ANK3: variants seen among roughly 807,000 people sequenced by gnomAD.
ANK3 encodes the protein ankyrin 3.
Under a neutral mutation model 370.9 loss-of-function variants are expected in ANK3, and 57 were observed. That is an observed-to-expected ratio of 0.15 (90% CI 0.12 to 0.19). The LOEUF (loss-of-function observed/expected upper bound fraction) is 0.19, where lower values mean the gene tolerates loss of function less well. Among genes scored for constraint, ANK3 ranks in the 10% least tolerant of loss-of-function variants. ANK3 has a pLI of 1.00. For missense variants in ANK3, 4,439 were observed against 5,302.1 expected (o/e 0.84, Z 5.06); for synonymous variants, 1,929 against 1,946.3 (o/e 0.99, Z 0.23).
intron 2 of ANK3, among the ~76,000 whole-genome samples, chr10:60,571,063 T>G (rs890725200): frequency 2.0e-4 from 30 of 151,942 alleles, no homozygotes; most frequent in Non-Finnish European, 4.1e-4. Context: ...AGGTTTTTTT[T>G]TTTTTTTTTT....
chr10:60,041,495 C>T (rs2076082937), intron 43 of ANK3, among the ~76,000 whole-genome samples: 1 of 152,170 alleles, frequency 6.6e-6, no homozygotes, highest in African/African-American at 2.4e-5. Context: ...TTTATTTAAC[C>T]ACTTTGGGCC....
chr10:60,064,095 G>A (rs537259813), intron 39 of ANK3, 62 bp downstream of exon 39: 22 of 1,426,390 alleles, frequency 1.5e-5, no homozygotes, highest in Non-Finnish European at 2.0e-5. Flanking sequence ...CTAACAGTTG[G>A]CTTATCTAAA....
chr10:60,213,764 G>A (rs374662001), intron 8 of ANK3, among the ~76,000 whole-genome samples: 5 of 152,014 alleles, frequency 3.3e-5, no homozygotes, highest in African/African-American at 1.2e-4. Context: ...TTTTCCACTA[G>A]TCTTTTGAAT....
intron 2 of ANK3, among the ~76,000 whole-genome samples, chr10:60,560,768 C>T (rs952039801): frequency 3.9e-5 from 6 of 152,170 alleles, no homozygotes; most frequent in Non-Finnish European, 7.3e-5. Flanking sequence ...ATCACAACCA[C>T]AGTTGCTTTT....
chr10:60,262,838 G>A, intron 6 of ANK3, among the ~76,000 whole-genome samples: 1 of 152,194 alleles, frequency 6.6e-6, no homozygotes, highest in East Asian at 1.9e-4. Context: ...CATCTAAAGT[G>A]TCCAGACTCT....
At chr10:60,314,008 G>A (rs1299236394) in intron 1 of ANK3, among the ~76,000 whole-genome samples, 1 of 147,556 alleles carries the variant, frequency 6.8e-6, no homozygotes, top group African/African-American at 2.5e-5. Context: ...CCATCTCCCT[G>A]CTAGAGTGTG....
chr10:60,645,706 CAG>C lies in ANK3; in HGVS notation c.58-30484_58-30483del, dbSNP rs140607943. Among the ~76,000 whole-genome samples, 623 of 151,754 alleles carry C rather than the reference CAG, an allele frequency of 4.1e-3. 6 individuals carry two copies. Among genetic ancestry groups the C allele is most frequent in the African/African-American group, 0.014 (586 of 41,342 alleles). Reference sequence around the variant, plus strand: ...CACCACTGCACTCCAGCCTGGTCAACAGAGTGAGATTATGTCTCAAGAGAAAA... The same window carrying C: ...CACCACTGCACTCCAGCCTGGTCAACAGTGAGATTATGTCTCAAGAGAAAA... On this transcript the variant is annotated intron_variant, in intron 1 of 43. Transcript: ENST00000373827.
chr10:60,077,763 G>C (rs78220995), intron 36 of ANK3, among the ~76,000 whole-genome samples: 1,628 of 152,228 alleles, frequency 0.011, 33 homozygotes, highest in African/African-American at 0.037. Context: ...TAGGATATGT[G>C]GGGTGTGTGT....
intron 2 of ANK3, among the ~76,000 whole-genome samples, chr10:60,530,965 T>C (rs979071550): frequency 6.6e-6 from 1 of 152,178 alleles, no homozygotes; most frequent in African/African-American, 2.4e-5. Context: ...CTTCATTTAA[T>C]ACATTAATGG....
chr10:60,552,235 A>G (rs1464514943), intron 2 of ANK3, among the ~76,000 whole-genome samples: 1 of 152,202 alleles, frequency 6.6e-6, no homozygotes, highest in East Asian at 1.9e-4. Flanking sequence ...TTTCTTGTTA[A>G]TCTACAATTA....
At chr10:60,596,070 T>A (rs1193829491) in intron 2 of ANK3, among the ~76,000 whole-genome samples, 1 of 152,114 alleles carries the variant, frequency 6.6e-6, no homozygotes, top group Non-Finnish European at 1.5e-5. Flanking sequence ...ATGTACAGCA[T>A]CCCTGCTAAG....
At chr10:60,032,674 A>T (rs1474804027) in intron 43 of ANK3, among the ~76,000 whole-genome samples, 1 of 152,164 alleles carries the variant, frequency 6.6e-6, no homozygotes, top group Non-Finnish European at 1.5e-5. Context: ...TATATTGGAT[A>T]TGTTTCTATC....
intron 2 of ANK3, among the ~76,000 whole-genome samples, chr10:60,582,052 A>T (rs2077761644): frequency 6.6e-6 from 1 of 152,142 alleles, no homozygotes; most frequent in African/African-American, 2.4e-5. Context: ...ATTCTCACTC[A>T]TAAGTGGGAG....
intron 2 of ANK3, among the ~76,000 whole-genome samples, chr10:60,553,736 T>C (rs984696308): frequency 1.3e-5 from 2 of 152,164 alleles, no homozygotes; most frequent in African/African-American, 4.8e-5. Context: ...TAAAAAAATT[T>C]TTTTTGAAAA....
rs141462670 is a variant in ANK3, at chr10:60,350,275, T to C, written c.114+39150A>G. On this transcript the variant is annotated intron_variant, in intron 1 of 43. Transcript: ENST00000280772. Reference sequence around the variant, plus strand: ...AAAATGGTAGCTAAAGGTTTTGGCTTTAAGGAGACCAGTTGTATACAGCAG... The same window carrying C: ...AAAATGGTAGCTAAAGGTTTTGGCTCTAAGGAGACCAGTTGTATACAGCAG... Among the ~76,000 whole-genome samples the C allele has an allele frequency of 1.4e-3, 206 of 152,238 alleles. 1 individual carries two copies. In the Middle Eastern group the frequency reaches 0.017, roughly 13 times the overall value.
intron 1 of ANK3, among the ~76,000 whole-genome samples, chr10:60,365,274 T>C (rs957472187): frequency 6.6e-6 from 1 of 151,846 alleles, no homozygotes; most frequent in Non-Finnish European, 1.5e-5. Flanking sequence ...TCAAAAACTA[T>C]AAAAAATACT....
At position 60,072,087 on chromosome 10, in the gene ANK3, C is replaced by G. The variant is rs1408317421; in HGVS notation, c.8794G>C (p.Glu2932Gln). The change falls in exon 37 of 44, where the codon GAA (glutamate) becomes CAA (glutamine). Residue 2932 changes from glutamate (E) to glutamine (Q), a missense_variant. Physicochemically the swap from Glu to Gln is conservative, Grantham distance 29. This residue lies in a region of ANK3 where 1,601 missense variants were observed against 1,731.7 expected (regional missense o/e 0.92). Transcript: ENST00000280772. ...TGGTCCCCTTCTTTCACAACATATTCCCTATATAAGACTTTTTTGGAGGGA... is the reference window on the plus strand; with the variant it reads ...TGGTCCCCTTCTTTCACAACATATTGCCTATATAAGACTTTTTTGGAGGGA... ...KSPSKKVLYR[E>Q]YVVKEGDHPG... is the part of the protein sequence containing the mutation. 1.2e-6 allele frequency: 2 copies of G among 1,614,036 alleles called. No individual in the cohort carries two copies. The highest frequency in any genetic ancestry group is 2.2e-5 in the East Asian group (1 of 44,872).
chr10:60,661,373 G>A (rs2095280566), intron 1 of ANK3, among the ~76,000 whole-genome samples: 1 of 151,982 alleles, frequency 6.6e-6, no homozygotes, highest in Admixed American at 6.6e-5. Flanking sequence ...TAAATTCTAG[G>A]CATTTCTTTT....
intron 6 of ANK3, among the ~76,000 whole-genome samples, chr10:60,262,238 T>C (rs1447554028): frequency 3.3e-5 from 5 of 152,210 alleles, no homozygotes; most frequent in Non-Finnish European, 5.9e-5. Flanking sequence ...TTCAAGAAAT[T>C]AAGATAGAGA....
Sources: gnomAD v4.1 joint callset for allele counts (sites outside exome capture counted in the v4.1 genomes callset) on GRCh38, gnomAD v4.1.1 for gene constraint, gnomAD v4.1.1 regional missense constraint, MANE v1.5 for transcripts, NCBI Gene and HGNC (gene_info 2026-07-23, HGNC 2026-07-21) for gene names.